DOK6: variants seen among roughly 807,000 people sequenced by gnomAD.
The protein encoded by DOK6 is downstream of tyrosine kinase 6.
Under a neutral mutation model 44.0 loss-of-function variants are expected in DOK6, and 22 were observed. The observed-to-expected ratio is 0.50, with a 90% CI of 0.36 to 0.71. The LOEUF (loss-of-function observed/expected upper bound fraction) is 0.71. Among genes scored for constraint, DOK6 ranks in the 30% least tolerant of loss-of-function variants. The pLI is 0.00. For synonymous variants in DOK6, 166 were observed against 145.5 expected, an observed-to-expected ratio of 1.14 and a Z score of -1.01; for missense variants, 340 against 416.4, an observed-to-expected ratio of 0.82 and a Z score of 1.60.
chr18:69,693,784 C>T (rs1028947936), intron 4 of DOK6, among the ~76,000 whole-genome samples: 2 of 151,990 alleles, frequency 1.3e-5, no homozygotes, highest in Admixed American at 6.6e-5. Context: ...TTAGGCCGGG[C>T]GCGGTGGTTC....
intron 3 of DOK6, among the ~76,000 whole-genome samples, chr18:69,603,231 T>G (rs1983913789): frequency 6.6e-6 from 1 of 152,186 alleles, no homozygotes; most frequent in South Asian, 2.1e-4. Flanking sequence ...TGCTGCTGTG[T>G]GAGCTTACCA....
intron 1 of DOK6, among the ~76,000 whole-genome samples, chr18:69,420,080 AT>A (rs892029889): frequency 2.1e-4 from 32 of 152,078 alleles, no homozygotes; most frequent in African/African-American, 7.0e-4. Flanking sequence ...TTTTTTGACA[AT>A]TTTTTTGTGA....
chr18:69,416,209 GGAAC>G (rs1300729267), intron 1 of DOK6, among the ~76,000 whole-genome samples: 16 of 146,778 alleles, frequency 1.1e-4, no homozygotes, highest in Non-Finnish European at 1.9e-4. Context: ...AAGGAAGGAA[GGAAC>G]GAAGGAAGGA....
chr18:69,608,160 T>C (rs1984046002), intron 3 of DOK6, among the ~76,000 whole-genome samples: 1 of 152,236 alleles, frequency 6.6e-6, no homozygotes. Context: ...ATAACAGCCT[T>C]TAATCTATTT....
At chr18:69,472,725 T>C (rs1219790589) in intron 1 of DOK6, among the ~76,000 whole-genome samples, 2 of 151,936 alleles carry the variant, frequency 1.3e-5, no homozygotes, top group Admixed American at 1.3e-4. Flanking sequence ...CATACACACA[T>C]ACACGCACAG....
At chr18:69,535,115 G>A (rs1982085946) in intron 1 of DOK6, among the ~76,000 whole-genome samples, 1 of 152,062 alleles carries the variant, frequency 6.6e-6, no homozygotes, top group Admixed American at 6.6e-5. Flanking sequence ...TCTTATAAGG[G>A]TTTTGGTTAA....
chr18:69,593,347 G>A (rs1186340179), intron 2 of DOK6, among the ~76,000 whole-genome samples: 1 of 151,628 alleles, frequency 6.6e-6, no homozygotes, highest in Non-Finnish European at 1.5e-5. Flanking sequence ...ACGCCAGCCT[G>A]GGCCACAGAA....
At chr18:69,750,871 C>T (rs966247646) in intron 6 of DOK6, among the ~76,000 whole-genome samples, 2 of 151,974 alleles carry the variant, frequency 1.3e-5, no homozygotes, top group African/African-American at 2.4e-5. Context: ...GGAACACATA[C>T]GCAGTGGAAT....
chr18:69,637,888 T>A (rs1323329503), intron 3 of DOK6, among the ~76,000 whole-genome samples: 1 of 152,180 alleles, frequency 6.6e-6, no homozygotes, highest in Non-Finnish European at 1.5e-5. Context: ...TAAGTTTTTT[T>A]TTTTAATGAC....
chr18:69,429,086 G>C (rs1290755404), intron 1 of DOK6, among the ~76,000 whole-genome samples: 1 of 152,184 alleles, frequency 6.6e-6, no homozygotes, highest in East Asian at 1.9e-4. Flanking sequence ...AGCCACAGGA[G>C]AAGTAATTAA....
At chr18:69,726,475 G>C (rs527521166) in intron 5 of DOK6, among the ~76,000 whole-genome samples, 1 of 152,198 alleles carries the variant, frequency 6.6e-6, no homozygotes, top group East Asian at 1.9e-4. Flanking sequence ...TTAATGTCGC[G>C]TGTGAATGAC....
intron 1 of DOK6, among the ~76,000 whole-genome samples, chr18:69,435,030 GGAAGGAA>G (rs1978928938): frequency 3.5e-5 from 1 of 28,340 alleles, no homozygotes; most frequent in Non-Finnish European, 1.0e-4. Context: ...AGGGAGGGAA[GGAAGGAA>G]GGAAGGAAGG....
intron 5 of DOK6, among the ~76,000 whole-genome samples, chr18:69,730,318 G>GA (rs1168714442): frequency 2.6e-5 from 4 of 152,132 alleles, no homozygotes; most frequent in African/African-American, 7.2e-5. Context: ...GTCTAGTTGG[G>GA]AAAACATCAT....
At chr18:69,554,687 G>C (rs1252994997) in intron 1 of DOK6, among the ~76,000 whole-genome samples, 1 of 152,154 alleles carries the variant, frequency 6.6e-6, no homozygotes, top group East Asian at 1.9e-4. Flanking sequence ...TAAATTGTTA[G>C]CAGAATTGCT....
chr18:69,441,728 G>A (rs954520862), intron 1 of DOK6, among the ~76,000 whole-genome samples: 1 of 152,120 alleles, frequency 6.6e-6, no homozygotes. Context: ...GCCAGGGGAT[G>A]CACAGAATAA....
chr18:69,752,793 T>C lies in DOK6; in HGVS notation c.739-4963T>C, dbSNP rs529074319. 4.6e-4 allele frequency among the ~76,000 whole-genome samples: 70 copies of C among 152,318 alleles called. No individual in the cohort carries two copies. The South Asian group carries it at 0.013, about 29-fold the overall frequency. On this transcript the variant is annotated intron_variant, in intron 6 of 7. Transcript: ENST00000382713. ...GGCACAGCGAGCATCATGAGTTTCATGCTTCCATAGGTTTCCCTGGTCCCC... is the reference window on the plus strand; with the variant it reads ...GGCACAGCGAGCATCATGAGTTTCACGCTTCCATAGGTTTCCCTGGTCCCC...
chr18:69,682,070 C>A (rs1439098572), intron 4 of DOK6, among the ~76,000 whole-genome samples: 1 of 152,178 alleles, frequency 6.6e-6, no homozygotes. Flanking sequence ...TATAACTTGT[C>A]TCAGAACCAA....
At chr18:69,485,653 G>T (rs1031569752) in intron 1 of DOK6, among the ~76,000 whole-genome samples, 2 of 152,144 alleles carry the variant, frequency 1.3e-5, no homozygotes, top group Admixed American at 6.6e-5. Context: ...GAGAAGAGAT[G>T]ATGTGTTTAT....
chr18:69,740,592 A>T (rs1053210508), intron 6 of DOK6, among the ~76,000 whole-genome samples: 3 of 152,230 alleles, frequency 2.0e-5, no homozygotes, highest in Admixed American at 1.3e-4. Flanking sequence ...GCCATAAAGA[A>T]GAGTACCCCG....
Sources: gnomAD v4.1 joint callset for allele counts (sites outside exome capture counted in the v4.1 genomes callset) on GRCh38, gnomAD v4.1.1 for gene constraint, MANE v1.5 for transcripts, NCBI Gene and HGNC (gene_info 2026-07-23, HGNC 2026-07-21) for gene names.